The following ULK4 variants were observed in gnomAD, a reference collection of about 807,000 sequenced individuals.
ULK4 encodes the protein inactive serine/threonine-protein kinase ULK4.
In ULK4, 133 loss-of-function variants were observed where a neutral mutation model predicts 160.6. The observed-to-expected ratio is 0.83, with a 90% confidence interval of 0.72 to 0.96. The LOEUF (loss-of-function observed/expected upper bound fraction) is 0.96. ULK4 is among the 40% of genes least tolerant of loss of function. ULK4 has a pLI of 0.00. For missense variants in ULK4, 1,580 were observed against 1,499.5 expected (o/e 1.05, Z -0.89); for synonymous variants, 534 against 539.8 (o/e 0.99, Z 0.15).
intron 32 of ULK4, among the ~76,000 whole-genome samples, chr3:41,514,638 G>GA (rs2085692798): frequency 1.3e-5 from 2 of 152,316 alleles, no homozygotes; most frequent in Admixed American, 1.3e-4. Context: ...CAACATGAAT[G>GA]AAAGTGGAGG....
intron 17 of ULK4, among the ~76,000 whole-genome samples, chr3:41,874,758 A>G (rs1466058205): frequency 6.6e-6 from 1 of 152,238 alleles, no homozygotes; most frequent in East Asian, 1.9e-4. Flanking sequence ...TACAGTGTAC[A>G]CTACTCAGGT....
intron 32 of ULK4, among the ~76,000 whole-genome samples, chr3:41,543,021 G>T (rs944099517): frequency 6.6e-6 from 1 of 152,056 alleles, no homozygotes; most frequent in Non-Finnish European, 1.5e-5. Flanking sequence ...GGTTCAGAGA[G>T]CATAAAGAAC....
chr3:41,290,643 A>G (rs2079542220), intron 35 of ULK4, among the ~76,000 whole-genome samples: 1 of 152,076 alleles, frequency 6.6e-6, no homozygotes, highest in African/African-American at 2.4e-5. Context: ...TTGCGGGGGC[A>G]CTCAGCGGCT....
intron 31 of ULK4, among the ~76,000 whole-genome samples, chr3:41,578,799 T>C (rs2125625875): frequency 6.6e-6 from 1 of 152,260 alleles, no homozygotes; most frequent in East Asian, 1.9e-4. Flanking sequence ...AATAAGGAAA[T>C]TCTAGAAGTC....
intron 22 of ULK4, among the ~76,000 whole-genome samples, chr3:41,745,948 T>A (rs2038403955): frequency 6.6e-6 from 1 of 150,446 alleles, no homozygotes; most frequent in Admixed American, 6.6e-5. Flanking sequence ...TCATTCATGA[T>A]GAGAGAAAAA....
At chr3:41,346,306 G>A (rs2080799382) in intron 35 of ULK4, among the ~76,000 whole-genome samples, 1 of 152,120 alleles carries the variant, frequency 6.6e-6, no homozygotes, top group Admixed American at 6.5e-5. Flanking sequence ...CTCATGCTGG[G>A]CCACATTGCA....
intron 22 of ULK4, among the ~76,000 whole-genome samples, chr3:41,734,610 A>G (rs1037694408): frequency 2.0e-5 from 3 of 152,222 alleles, no homozygotes; most frequent in South Asian, 2.1e-4. Context: ...ATGAAACAGA[A>G]AAGTGGAAAC....
At chr3:41,371,305 G>T (rs947740501) in intron 35 of ULK4, among the ~76,000 whole-genome samples, 1 of 152,212 alleles carries the variant, frequency 6.6e-6, no homozygotes, top group Non-Finnish European at 1.5e-5. Context: ...CTAACAGATG[G>T]TCTGCCTCCT....
At chr3:41,596,368 GGA>G (rs1222859005) in intron 31 of ULK4, among the ~76,000 whole-genome samples, 1 of 152,190 alleles carries the variant, frequency 6.6e-6, no homozygotes, top group African/African-American at 2.4e-5. Context: ...GTGAAGAATA[GGA>G]GAGTTAGGAG....
At chr3:41,711,578 C>G (rs2125837252) in intron 25 of ULK4, among the ~76,000 whole-genome samples, 1 of 152,220 alleles carries the variant, frequency 6.6e-6, no homozygotes, top group East Asian at 1.9e-4. Context: ...CAATATCTAT[C>G]AATAAACCAG....
intron 17 of ULK4, among the ~76,000 whole-genome samples, chr3:41,863,523 C>G (rs986359338): frequency 1.3e-5 from 2 of 151,784 alleles, no homozygotes; most frequent in Admixed American, 6.6e-5. Flanking sequence ...GGAGTTTTGC[C>G]CCATACACCA....
intron 5 of ULK4, among the ~76,000 whole-genome samples, chr3:41,929,022 T>C (rs189936880): frequency 6.6e-5 from 10 of 151,928 alleles, no homozygotes; most frequent in Admixed American, 3.9e-4. Context: ...TACCAAAGCC[T>C]GACGGAGATA....
intron 17 of ULK4, among the ~76,000 whole-genome samples, chr3:41,874,832 T>C (rs1231995114): frequency 1.3e-5 from 2 of 152,180 alleles, no homozygotes; most frequent in African/African-American, 2.4e-5. Context: ...CAAAAACCAC[T>C]TGCATTCCAA....
Position 41,919,910 on chromosome 3 carries a change from G to C in ULK4, c.542-92C>G, listed in dbSNP as rs974390129. ...GGAAAGATCTGATGAGATGAAAAAG[G>C]GCAGGAGAAAAACATGCGCATGAAT... On this transcript the variant is annotated intron_variant, in intron 5 of 36. Coordinates refer to ENST00000301831, the MANE Select transcript of ULK4 (RefSeq NM_017886.4). 3.2e-5 allele frequency: 22 copies of C among 687,414 alleles called. No individual in the cohort carries two copies. In the African/African-American group the frequency reaches 3.7e-4, roughly 12 times the overall value. 42.6% of individuals were successfully genotyped at this position (687,414 alleles called of 1,614,324 possible).
chr3:41,557,532 G>A (rs1221410907), intron 32 of ULK4, among the ~76,000 whole-genome samples: 3 of 151,494 alleles, frequency 2.0e-5, no homozygotes, highest in South Asian at 4.2e-4. Flanking sequence ...TTGGAAGTCC[G>A]AGGTGGAAAG....
At chr3:41,896,044 A>G (rs1289747592) in intron 15 of ULK4, among the ~76,000 whole-genome samples, 2 of 152,210 alleles carry the variant, frequency 1.3e-5, no homozygotes, top group African/African-American at 4.8e-5. Flanking sequence ...GCTTACCAAC[A>G]GACCAAGACA....
At chr3:41,831,821 T>C (rs2041599566) in intron 18 of ULK4, among the ~76,000 whole-genome samples, 4 of 152,154 alleles carry the variant, frequency 2.6e-5, no homozygotes, top group Non-Finnish European at 5.9e-5. Flanking sequence ...GTTCCTGTGT[T>C]AGTTTGCTGA....
intron 16 of ULK4, among the ~76,000 whole-genome samples, chr3:41,894,191 C>T (rs1698073281): frequency 6.6e-6 from 1 of 152,108 alleles, no homozygotes; most frequent in South Asian, 2.1e-4. Context: ...GCAGGGGGCA[C>T]CCCATTCAAG....
intron 35 of ULK4, 82 bp downstream of exon 35, chr3:41,397,997 A>G: frequency 1.4e-6 from 2 of 1,451,004 alleles, no homozygotes; most frequent in South Asian, 2.8e-5. Flanking sequence ...ATTTGAAATT[A>G]GGTCCAAGAA....
Sources: allele counts gnomAD v4.1 joint callset (sites outside exome capture counted in the v4.1 genomes callset), GRCh38; gene constraint gnomAD v4.1.1; transcripts MANE v1.5; gene names NCBI Gene and HGNC (gene_info 2026-07-23, HGNC 2026-07-21).